The following UST variants were observed in gnomAD, a reference collection of about 807,000 sequenced individuals.
The protein encoded by UST is uronyl 2-sulfotransferase.
UST carries 21 observed loss-of-function variants against 45.6 expected under a neutral mutation model. The observed-to-expected ratio is 0.46, with a 90% CI of 0.33 to 0.66. The LOEUF (loss-of-function observed/expected upper bound fraction) is 0.66. Ranked by LOEUF, UST falls within the 30% of genes least tolerant of loss-of-function variation. The pLI is 0.02. For missense variants in UST, 463 were observed against 512.4 expected (o/e 0.90, Z 0.93); for synonymous variants, 215 against 200.6 (o/e 1.07, Z -0.61).
chr6:148,749,556 T>C (rs1775948320), intron 1 of UST, among the ~76,000 whole-genome samples: 1 of 152,172 alleles, frequency 6.6e-6, no homozygotes. Context: ...CACACCTGAC[T>C]GTCAATGAAA....
chr6:148,857,574 G>A (rs545950153), intron 1 of UST, among the ~76,000 whole-genome samples: 7 of 152,226 alleles, frequency 4.6e-5, no homozygotes, highest in Admixed American at 1.3e-4. Flanking sequence ...TTCTGCATAT[G>A]AGGAAAAGAG....
chr6:148,796,797 C>CTTT lies in UST; in HGVS notation c.247+49141_247+49143dup, dbSNP rs1195878764. On this transcript the variant is annotated intron_variant, in intron 1 of 7. Transcript: ENST00000367463. The stretch of plus-strand genomic sequence containing the variant: ...TAAAAACCAACTTTCTCTGATAATT[C>CTTT]TTTTTTTTTTTTTTTTTTTTTTTGA... 6.2e-3 allele frequency among the ~76,000 whole-genome samples: 448 copies of CTTT among 72,058 alleles called. 6 individuals are homozygous for CTTT. The highest frequency in any genetic ancestry group is 0.01 in the East Asian group (21 of 2,084). 47.3% of individuals were successfully genotyped at this position (72,058 alleles called of 152,430 possible).
intron 2 of UST, among the ~76,000 whole-genome samples, chr6:148,936,550 C>A (rs1274581705): frequency 6.7e-6 from 1 of 148,884 alleles, no homozygotes; most frequent in Admixed American, 6.7e-5. Flanking sequence ...CAGGGTCAGT[C>A]CCTCCCTCCT....
At chr6:149,039,105 T>C (rs7747463) in intron 7 of UST, among the ~76,000 whole-genome samples, 95,479 of 152,048 alleles carry the variant, frequency 0.63, 30,482 homozygotes, top group Non-Finnish European at 0.67. Context: ...TAGTTTCTCC[T>C]GTAGACTTTC....
chr6:148,959,191 C>T (rs1247067279), intron 4 of UST: 1 of 152,242 alleles, frequency 6.6e-6, no homozygotes, highest in African/African-American at 2.4e-5. Context: ...CTTCTATCAA[C>T]TTTTGTGAAC....
intron 2 of UST, among the ~76,000 whole-genome samples, chr6:148,895,415 G>C (rs1288152761): frequency 6.6e-6 from 1 of 152,144 alleles, no homozygotes; most frequent in Non-Finnish European, 1.5e-5. Flanking sequence ...AGGGACATGA[G>C]AGCAACAAAG....
At chr6:148,800,560 AC>A (rs562826192) in intron 1 of UST, among the ~76,000 whole-genome samples, 34,201 of 151,904 alleles carry the variant, frequency 0.23, 4,156 homozygotes, top group East Asian at 0.4. Flanking sequence ...GTTACTGGTT[AC>A]CAGGAATGAT....
At chr6:148,754,126 C>A (rs1776044564) in intron 1 of UST, among the ~76,000 whole-genome samples, 1 of 151,836 alleles carries the variant, frequency 6.6e-6, no homozygotes, top group Admixed American at 6.6e-5. Flanking sequence ...TCCCAAGTAG[C>A]TGGGACTACA....
At chr6:148,954,016 T>C in intron 4 of UST, 65 bp downstream of exon 4, 12 of 1,326,072 alleles carry the variant, frequency 9.0e-6, no homozygotes, top group Non-Finnish European at 1.3e-5. Context: ...TTTAGAAATC[T>C]ACCTTTATTT....
chr6:148,847,295 G>A (rs559758161), intron 1 of UST, among the ~76,000 whole-genome samples: 7 of 152,358 alleles, frequency 4.6e-5, no homozygotes, highest in Admixed American at 2.0e-4. Flanking sequence ...GGCTGTGGGT[G>A]AGTCAAAGCT....
intron 5 of UST, among the ~76,000 whole-genome samples, chr6:149,017,793 C>CATATATATATATAT (rs772511492): frequency 3.7e-5 from 2 of 54,406 alleles, no homozygotes; most frequent in African/African-American, 1.4e-4. Flanking sequence ...AATGAATATC[C>CATATATATATATAT]ATATATACAC....
At chr6:148,840,855 G>A (rs1350134957) in intron 1 of UST, among the ~76,000 whole-genome samples, 1 of 152,100 alleles carries the variant, frequency 6.6e-6, no homozygotes, top group African/African-American at 2.4e-5. Flanking sequence ...CTGGACACCC[G>A]GGTGCTCAGT....
Position 148,881,205 on chromosome 6 carries a change from G to C in UST, c.248-5781G>C, listed in dbSNP as rs190875512. 9.2e-5 allele frequency among the ~76,000 whole-genome samples: 14 copies of C among 152,166 alleles called. No homozygotes were observed. The East Asian group carries it at 2.7e-3, about 29-fold the overall frequency. On this transcript the variant is annotated intron_variant, in intron 1 of 7. Coordinates refer to ENST00000367463, the MANE Select transcript of UST (RefSeq NM_005715.3). ...TTTTGTCTCCTCCGCTTACCTGAGG[G>C]GCCTGGTTAAGCTTAAGTTTCTCTA...
chr6:148,993,983 T>TTG (rs1781402924), intron 5 of UST, among the ~76,000 whole-genome samples: 3 of 74,460 alleles, frequency 4.0e-5, no homozygotes, highest in Admixed American at 2.5e-4. Flanking sequence ...TTTTTTTTTT[T>TTG]TGTTGAGACA....
At chr6:148,796,367 A>G (rs1395378073) in intron 1 of UST, among the ~76,000 whole-genome samples, 2 of 152,154 alleles carry the variant, frequency 1.3e-5, no homozygotes, top group African/African-American at 4.8e-5. Flanking sequence ...CAGAGCTGGA[A>G]GGGAATCCCA....
At chr6:149,023,336 T>C (rs1446838932) in intron 7 of UST, among the ~76,000 whole-genome samples, 1 of 152,142 alleles carries the variant, frequency 6.6e-6, no homozygotes, top group Non-Finnish European at 1.5e-5. Context: ...GAGGTTCACA[T>C]AGTGAGGAAC....
intron 5 of UST, among the ~76,000 whole-genome samples, chr6:148,997,351 A>G (rs1338202658): frequency 6.6e-6 from 1 of 152,222 alleles, no homozygotes; most frequent in African/African-American, 2.4e-5. Flanking sequence ...GAGATCTCTA[A>G]GCAAACTTAG....
intron 1 of UST, among the ~76,000 whole-genome samples, chr6:148,752,094 G>A (rs1431886555): frequency 2.0e-5 from 3 of 152,072 alleles, no homozygotes; most frequent in Admixed American, 1.3e-4. Context: ...TAGAACTTTA[G>A]TTCTCAGAAT....
At chr6:148,831,285 G>A (rs561065030) in intron 1 of UST, among the ~76,000 whole-genome samples, 170 of 152,282 alleles carry the variant, frequency 1.1e-3, no homozygotes, top group Middle Eastern at 6.8e-3. Context: ...AAAAATTCAG[G>A]TGCAGAGAGA....
Sources: allele counts gnomAD v4.1 joint callset (sites outside exome capture counted in the v4.1 genomes callset), GRCh38; gene constraint gnomAD v4.1.1; transcripts MANE v1.5; gene names NCBI Gene and HGNC (gene_info 2026-07-23, HGNC 2026-07-21).